DPP6: variants seen among roughly 807,000 people sequenced by gnomAD.
The protein encoded by DPP6 is dipeptidyl peptidase like 6.
DPP6 carries 69 observed loss-of-function variants against 122.6 expected under a neutral mutation model. That is an observed-to-expected ratio of 0.56 (90% CI 0.46 to 0.69). The LOEUF (loss-of-function observed/expected upper bound fraction) is 0.69, where lower values mean the gene tolerates loss of function less well. DPP6 is among the 30% of genes least tolerant of loss of function. DPP6 has a pLI of 0.00. For synonymous variants in DPP6, 418 were observed against 433.1 expected (o/e 0.97, Z 0.43); for missense variants, 928 against 1,116.9 (o/e 0.83, Z 2.41).
intron 1 of DPP6, among the ~76,000 whole-genome samples, chr7:154,066,216 T>G (rs989940664): frequency 3.3e-5 from 5 of 152,046 alleles, no homozygotes; most frequent in African/African-American, 1.2e-4. Flanking sequence ...CACACCAGCA[T>G]GCCTGGCTAA....
chr7:154,557,076 C>G (rs1275851991), intron 4 of DPP6, among the ~76,000 whole-genome samples: 2 of 152,102 alleles, frequency 1.3e-5, no homozygotes, highest in Non-Finnish European at 2.9e-5. Context: ...AAGCCAGCTT[C>G]AAAAAATCAC....
chr7:154,479,024 T>C (rs1316133270), intron 3 of DPP6, among the ~76,000 whole-genome samples: 1 of 152,194 alleles, frequency 6.6e-6, no homozygotes, highest in African/African-American at 2.4e-5. Flanking sequence ...GGGTTTAATA[T>C]TGGAGTTAAC....
intron 1 of DPP6, among the ~76,000 whole-genome samples, chr7:154,153,243 T>C (rs1796512403): frequency 6.6e-6 from 1 of 152,170 alleles, no homozygotes; most frequent in African/African-American, 2.4e-5. Context: ...TGGAGTGCAA[T>C]GGCGGGATCT....
At chr7:154,332,515 A>G (rs1809041030) in intron 1 of DPP6, among the ~76,000 whole-genome samples, 2 of 152,248 alleles carry the variant, frequency 1.3e-5, no homozygotes, top group South Asian at 4.1e-4. Flanking sequence ...TGGTCCATGG[A>G]TGACCCTCTG....
In DPP6 at chr7:154,836,103, G is replaced by A. The variant is rs186302115; in HGVS notation, c.1667-17677G>A. 6.2e-4 allele frequency among the ~76,000 whole-genome samples: 95 copies of A among 152,304 alleles called. 1 individual carries two copies. The highest frequency in any genetic ancestry group is 5.9e-4 in the Admixed American group (9 of 15,302). On this transcript the variant is annotated intron_variant, in intron 16 of 25. Coordinates refer to ENST00000377770, the MANE Select transcript of DPP6 (RefSeq NM_130797.4). Reference sequence around the variant, plus strand: ...TTCTGATGCACCAAAGCTGGCCTGAGGCCTAATCTCTGGGTCCCACTTCTG... The same window carrying A: ...TTCTGATGCACCAAAGCTGGCCTGAAGCCTAATCTCTGGGTCCCACTTCTG...
At chr7:154,324,325 T>C (rs1158423590) in intron 1 of DPP6, among the ~76,000 whole-genome samples, 1 of 152,188 alleles carries the variant, frequency 6.6e-6, no homozygotes, top group Admixed American at 6.5e-5. Flanking sequence ...CAAAGTTGTG[T>C]TTGCTTGTGC....
intron 7 of DPP6, among the ~76,000 whole-genome samples, chr7:154,690,137 C>T (rs1016698145): frequency 1.3e-5 from 2 of 152,082 alleles, no homozygotes; most frequent in African/African-American, 2.4e-5. Flanking sequence ...AGGTGGTCCA[C>T]AATATGGGAT....
At chr7:154,138,163 C>T (rs1181373178) in intron 1 of DPP6, among the ~76,000 whole-genome samples, 1 of 152,188 alleles carries the variant, frequency 6.6e-6, no homozygotes, top group Non-Finnish European at 1.5e-5. Flanking sequence ...TTCATTTACT[C>T]TCTCAGAAGT....
At chr7:154,430,839 C>T (rs892470113) in intron 1 of DPP6, among the ~76,000 whole-genome samples, 6 of 148,710 alleles carry the variant, frequency 4.0e-5, no homozygotes, top group Non-Finnish European at 7.4e-5. Context: ...TGGATGGAAG[C>T]TCAGCTGGCA....
chr7:154,618,455 G>A lies in DPP6; in HGVS notation c.628-19366G>A, dbSNP rs1215789975. On this transcript the variant is annotated intron_variant, in intron 5 of 25. Transcript: ENST00000377770. This position sits in a 1 kb window ranked among gnomAD's most constrained non-coding sequence, Gnocchi z 4.1. ...CCCAGACATGCTTCCCCTTTGTCTT[G>A]TTAGACCATTGATTTCCTTTAGAAG... Among the ~76,000 whole-genome samples, 3 of 152,176 alleles carry A rather than the reference G, an allele frequency of 2.0e-5. No individual in the cohort carries two copies. The highest frequency in any genetic ancestry group is 2.9e-5 in the Non-Finnish European group (2 of 68,030).
At chr7:153,786,671 G>A in the DPP6 span, among the ~76,000 whole-genome samples, 3 of 146,894 alleles carry the variant, frequency 2.0e-5, no homozygotes, top group East Asian at 2.1e-4. Flanking sequence ...CCCGGGAGGC[G>A]GAGCTTGCAG....
intron 6 of DPP6, among the ~76,000 whole-genome samples, chr7:154,644,725 T>TA (rs398006817): frequency 7.7e-6 from 1 of 129,074 alleles, no homozygotes; most frequent in African/African-American, 2.8e-5. Context: ...TTTTTTTTTT[T>TA]AAGATACAGA....
rs1047300586 is a variant in DPP6 at position 154,875,741 on chromosome 7, C to T, written c.1884-165C>T. 6.6e-5 allele frequency among the ~76,000 whole-genome samples: 10 copies of T among 152,158 alleles called. No individual in the cohort carries two copies. Among genetic ancestry groups the T allele is most frequent in the Admixed American group, 6.5e-4 (10 of 15,286 alleles). On this transcript the variant is annotated intron_variant, in intron 19 of 25. Coordinates refer to ENST00000377770, the MANE Select transcript of DPP6 (RefSeq NM_130797.4). This position sits in a 1 kb window ranked among gnomAD's most constrained non-coding sequence, Gnocchi z 4.5. ...CTCACTTTATGGGGTGTGGATAACA[C>T]CTGGCTCACCTGCCCGGGGCAACAG...
At chr7:154,653,785 C>T (rs1586817632) in intron 6 of DPP6, among the ~76,000 whole-genome samples, 1 of 152,170 alleles carries the variant, frequency 6.6e-6, no homozygotes, top group African/African-American at 2.4e-5. Flanking sequence ...GCTTCCCCGT[C>T]ATGTCTTCAT....
Position 154,211,697 on chromosome 7 carries a change from C to T in DPP6, c.243+158634C>T, listed in dbSNP as rs78982927. Among the ~76,000 whole-genome samples the T allele has an allele frequency of 3.5e-3, 539 of 152,240 alleles. 4 individuals are homozygous for T. The highest frequency in any genetic ancestry group is 0.012 in the African/African-American group (511 of 41,534). ...ATACACACAAGGAGGCATTGGTCTGCGGAAACTGTTTACTCAGAGGACCAG... is the reference window on the plus strand; with the variant it reads ...ATACACACAAGGAGGCATTGGTCTGTGGAAACTGTTTACTCAGAGGACCAG... On this transcript the variant is annotated intron_variant, in intron 1 of 25. Transcript: ENST00000377770.
At chr7:154,805,073 C>A (rs1798612113) in intron 15 of DPP6, 109 bp downstream of exon 15, 1 of 1,417,220 alleles carries the variant, frequency 7.1e-7, no homozygotes, top group Non-Finnish European at 9.6e-7. Flanking sequence ...CAAAGACAGA[C>A]CCCACCACAG....
chr7:154,077,325 C>T (rs1175994904), intron 1 of DPP6, among the ~76,000 whole-genome samples: 2 of 152,208 alleles, frequency 1.3e-5, no homozygotes, highest in African/African-American at 2.4e-5. Flanking sequence ...AAGAAGCCAG[C>T]GTCCACCTCT....
At chr7:154,213,757 A>G (rs1337232190) in intron 1 of DPP6, among the ~76,000 whole-genome samples, 1 of 152,248 alleles carries the variant, frequency 6.6e-6, no homozygotes, top group Non-Finnish European at 1.5e-5. Flanking sequence ...ATTAATTGAA[A>G]TCATAGGAGC....
At chr7:154,061,965 A>T (rs1460999272) in intron 1 of DPP6, among the ~76,000 whole-genome samples, 4 of 115,828 alleles carry the variant, frequency 3.5e-5, no homozygotes, top group African/African-American at 1.3e-4. Context: ...GAGGGTGGGG[A>T]CTGAGAGCTA....
Sources: gnomAD v4.1 joint callset for allele counts (sites outside exome capture counted in the v4.1 genomes callset) on GRCh38, gnomAD v4.1.1 for gene constraint, Gnocchi (gnomAD v3.1) non-coding constraint, MANE v1.5 for transcripts, NCBI Gene and HGNC (gene_info 2026-07-23, HGNC 2026-07-21) for gene names.